The following SMARCA1 variants were observed in gnomAD, a reference collection of about 807,000 sequenced individuals.
The protein encoded by SMARCA1 is SNF2 related chromatin remodeling ATPase 1.
SMARCA1 carries 17 observed loss-of-function variants against 93.6 expected under a neutral mutation model. The ratio of observed to expected loss-of-function variants is 0.18; its 90% CI spans 0.12 to 0.27. SMARCA1 has a LOEUF of 0.27. SMARCA1 is among the 10% of genes least tolerant of loss of function. The probability of loss-of-function intolerance (pLI) is 1.00; values close to 1 mark genes in which losing one functional copy is unlikely to be tolerated. For synonymous variants in SMARCA1, 271 were observed against 271.4 expected, an observed-to-expected ratio of 1.00 and a Z score of 0.01; for missense variants, 630 against 819.0, an observed-to-expected ratio of 0.77 and a Z score of 2.82.
At chrX:129,471,024 T>TA (rs1857457175) in intron 20 of SMARCA1, among the ~76,000 whole-genome samples, 180 bp downstream of exon 20, 1 of 112,242 alleles carries the variant, frequency 8.9e-6, no homozygotes, top group Non-Finnish European at 1.9e-5. Context: ...AAAGGGCATA[T>TA]TCTATAAGAT....
At position 129,516,315 on chromosome X, in the gene SMARCA1, A is replaced by G; in HGVS notation, c.428+16T>C. 8.4e-7 allele frequency: 1 copy of G among 1,197,536 alleles called. No individual in the cohort carries two copies. Among genetic ancestry groups the G allele is most frequent in the Non-Finnish European group, 1.1e-6 (1 of 885,441 alleles). On this transcript the variant is annotated intron_variant, in intron 3 of 24. Transcript: ENST00000371121. ...AGGAGAAAGGAAAGAAAGTAGAGAG[A>G]GAGGTGCCAACATACTCTCCAGCAG... is the stretch of plus-strand genomic sequence containing the variant.
intron 16 of SMARCA1, 93 bp downstream of exon 16, chrX:129,488,844 G>T: frequency 1.9e-6 from 1 of 531,863 alleles, no homozygotes. Flanking sequence ...TGTAGATAAT[G>T]CAGATAAACA....
chrX:129,497,951 A>C lies in SMARCA1; in HGVS notation c.1398T>G (p.Phe466Leu). 1 of 1,204,039 alleles carries C rather than the reference A, an allele frequency of 8.3e-7. No individual in the cohort carries two copies. The change falls in exon 11 of 25, where the codon TTT (phenylalanine) becomes TTG (leucine). Residue 466 changes from phenylalanine (F) to leucine (L), a missense_variant. Phe to Leu is a conservative substitution (Grantham distance 22). Transcript: ENST00000371121. ...AAGGTGGACCAGGTTCAGCACCATC[A>C]AACAGATATGGATGATTACAACACT... The part of the protein sequence containing the change: ...LRKCCNHPYL[F>L]DGAEPGPPYT...
chrX:129,492,897 T>G, intron 13 of SMARCA1, 143 bp downstream of exon 13: 1 of 301,138 alleles, frequency 3.3e-6, no homozygotes. Flanking sequence ...TTTGAAGATT[T>G]AAAAAAAATG....
rs1934405782 is a variant in SMARCA1 at position 129,498,073 on chromosome X, T to TA, written c.1278-3dup. On this transcript the variant is annotated splice_polypyrimidine_tract_variant and splice_region_variant and intron_variant, in intron 10 of 24. Coordinates refer to ENST00000371121, the MANE Select transcript of SMARCA1 (RefSeq NM_001282874.2). ...TCTTTCATCAGGATTTTTGTATACC[T>TA]AAAAATTTAAACTATAATTAATCAT... The TA allele has an allele frequency of 1.1e-5, 11 of 1,040,652 alleles. No individual in the cohort carries two copies. The highest frequency in any genetic ancestry group is 1.4e-5 in the Non-Finnish European group (10 of 740,462). The allele number at this position is 1,040,652 out of a possible 1,213,427, so 85.8% of individuals were successfully genotyped here.
chrX:129,514,484 T>C (rs1170060213), intron 5 of SMARCA1, among the ~76,000 whole-genome samples: 1 of 112,651 alleles, frequency 8.9e-6, no homozygotes, highest in Non-Finnish European at 1.9e-5. Flanking sequence ...TTACTCTTTA[T>C]TCGTTCCTTA....
At chrX:129,455,694 T>A (rs1417692558) in intron 23 of SMARCA1, among the ~76,000 whole-genome samples, 2 of 111,486 alleles carry the variant, frequency 1.8e-5, no homozygotes, top group African/African-American at 6.5e-5. Flanking sequence ...GTTTTAGTGG[T>A]CTGGACAGAT....
chrX:129,494,752 G>C (rs1602702672), intron 12 of SMARCA1, among the ~76,000 whole-genome samples: 1 of 112,027 alleles, frequency 8.9e-6, no homozygotes, highest in African/African-American at 3.2e-5. Flanking sequence ...AAGAAGCCTA[G>C]TTGTTACTAT....
chrX:129,465,982 C>A lies in SMARCA1; in HGVS notation c.2699-20G>T, dbSNP rs184304289. 2.2e-3 allele frequency: 1,771 copies of A among 802,102 alleles called. 6 individuals carry two copies. The highest frequency in any genetic ancestry group is 0.012 in the Middle Eastern group (43 of 3,470). The allele number at this position is 802,102 out of a possible 1,213,427, so 66.1% of individuals were successfully genotyped here. A position where few individuals can be genotyped will look rare whatever the true frequency, so the allele number is the denominator to read the frequency against. ...ATACAGCTGAAAAACAGAGTTATTT[C>A]TTTAAAATCCTATCATTTAAGCAAA... On this transcript the variant is annotated intron_variant, in intron 21 of 24. Transcript: ENST00000371121.
chrX:129,465,382 A>G, intron 23 of SMARCA1, 138 bp downstream of exon 23: 1 of 445,952 alleles, frequency 2.2e-6, no homozygotes, highest in South Asian at 4.6e-5. Context: ...GTATGTATAC[A>G]CATACACACA....
intron 18 of SMARCA1, 119 bp from the exon 19 acceptor site, chrX:129,480,933 G>C (rs1371718188): frequency 1.4e-5 from 8 of 569,451 alleles, no homozygotes; most frequent in Non-Finnish European, 2.2e-5. Context: ...CATTTATATG[G>C]CTGGGCCAAA....
chrX:129,523,170 C>CCA (rs769634258), intron 1 of SMARCA1, 27 bp downstream of exon 1: 15 of 1,201,611 alleles, frequency 1.2e-5, no homozygotes, highest in Middle Eastern at 2.3e-4. Context: ...GATTTGTCCA[C>CCA]CACACACACA....
At chrX:129,458,129 G>A (rs1045922142) in intron 23 of SMARCA1, among the ~76,000 whole-genome samples, 1 of 112,159 alleles carries the variant, frequency 8.9e-6, no homozygotes, top group South Asian at 3.7e-4. Context: ...ATTGTAGCAC[G>A]AAAACAGCCA....
Position 129,491,495 on chromosome X carries a change from T to C in SMARCA1, c.1815+446A>G, listed in dbSNP as rs139760430. Among the ~76,000 whole-genome samples, 460 of 112,063 alleles carry C rather than the reference T, an allele frequency of 4.1e-3. 2 individuals are homozygous for C. The highest frequency in any genetic ancestry group is 0.014 in the African/African-American group (448 of 30,973). ...GTTTTTCTGGAATATATTCCTTTCTTACCTTTTTGCCTTCTCTCCCAAATT... is the reference window on the plus strand; with the variant it reads ...GTTTTTCTGGAATATATTCCTTTCTCACCTTTTTGCCTTCTCTCCCAAATT... On this transcript the variant is annotated intron_variant, in intron 14 of 24. Transcript: ENST00000371121.
rs777573850 is a variant in SMARCA1, at chrX:129,518,852, A to AAAC, written c.175-408_175-406dup. On this transcript the variant is annotated intron_variant, in intron 1 of 24. Transcript: ENST00000371121. Reference sequence around the variant, plus strand: ...AAAGAAAGTAAATATTAATTCTAAGAAACACTCCTTTATGTCATGGAAATA... The same window carrying AAAC: ...AAAGAAAGTAAATATTAATTCTAAGAAACAACACTCCTTTATGTCATGGAAATA... 4.3e-3 allele frequency among the ~76,000 whole-genome samples: 480 copies of AAAC among 111,788 alleles called. 4 individuals carry two copies. The highest frequency in any genetic ancestry group is 0.015 in the African/African-American group (460 of 30,914).
At chrX:129,474,610 A>AT (rs1445243447) in intron 19 of SMARCA1, among the ~76,000 whole-genome samples, 2 of 112,306 alleles carry the variant, frequency 1.8e-5, no homozygotes, top group African/African-American at 6.5e-5. Context: ...ATTAATTAAC[A>AT]TAGCAAAACA....
At chrX:129,456,081 G>T (rs1191066732) in intron 23 of SMARCA1, among the ~76,000 whole-genome samples, 1 of 111,622 alleles carries the variant, frequency 9.0e-6, no homozygotes, top group Non-Finnish European at 1.9e-5. Flanking sequence ...CAAATGACAG[G>T]TTTATTCATT....
At chrX:129,504,612 GA>G (rs1347217346) in intron 9 of SMARCA1, 121 bp downstream of exon 9, 3 of 289,018 alleles carry the variant, frequency 1.0e-5, no homozygotes, top group Non-Finnish European at 1.9e-5. Flanking sequence ...TTAGGAGGGA[GA>G]AACAGTGACA....
At chrX:129,482,187 G>C (rs1325313795) in intron 17 of SMARCA1, among the ~76,000 whole-genome samples, 2 of 71,748 alleles carry the variant, frequency 2.8e-5, no homozygotes, top group Non-Finnish European at 5.2e-5. Context: ...GTTGTGGGGT[G>C]GGGGGAGGGG....
Sources: allele counts gnomAD v4.1 joint callset (sites outside exome capture counted in the v4.1 genomes callset), GRCh38; gene constraint gnomAD v4.1.1; transcripts MANE v1.5; gene names NCBI Gene and HGNC (gene_info 2026-07-23, HGNC 2026-07-21).